Variants in DYNC2H1 observed in about 807,000 individuals in gnomAD.
DYNC2H1 encodes the protein dynein cytoplasmic 2 heavy chain 1, also known as cytoplasmic dynein 2 heavy chain 1.
In DYNC2H1, 410 loss-of-function variants were observed where a neutral mutation model predicts 570.0. The ratio of observed to expected loss-of-function variants is 0.72; its 90% CI spans 0.66 to 0.78. DYNC2H1 has a LOEUF of 0.78. Among genes scored for constraint, DYNC2H1 ranks in the 30% least tolerant of loss-of-function variants. DYNC2H1 has a pLI of 0.00. For synonymous variants in DYNC2H1, 1,688 were observed against 1,677.6 expected (o/e 1.01, Z -0.15); for missense variants, 4,865 against 5,046.4 (o/e 0.96, Z 1.09).
At position 103,211,797 on chromosome 11, in the gene DYNC2H1, G is replaced by A. The variant is rs987767594; in HGVS notation, c.8548G>A (p.Asp2850Asn). The change falls in exon 54 of 89, where the codon GAT (aspartate) becomes AAT (asparagine). Residue 2850 changes from aspartate (D) to asparagine (N), a missense_variant. Asp to Asn is a conservative substitution (Grantham distance 23, BLOSUM62 1). Transcript: ENST00000375735. ...TTTCTATTTTTTTCTAGTTGATCCT[G>A]ATTTTCTAAAATCATTTTTATTAAT... ...EEKKKNSVDP[D>N]FLKSFLLIHE... 7.5e-7 allele frequency: 1 copy of A among 1,334,946 alleles called. No homozygotes were observed. Among genetic ancestry groups the A allele is most frequent in the East Asian group, 2.8e-5 (1 of 36,256 alleles). The allele number at this position is 1,334,946 out of a possible 1,614,324, so 82.7% of individuals were successfully genotyped here.
At chr11:103,470,218 A>G (rs1036226500) in intron 88 of DYNC2H1, among the ~76,000 whole-genome samples, 1 of 152,210 alleles carries the variant, frequency 6.6e-6, no homozygotes, top group Non-Finnish European at 1.5e-5. Context: ...ATGTGACTTT[A>G]CAAGACTAGG....
chr11:103,153,528 T>C lies in DYNC2H1; in HGVS notation c.3302+20T>C, dbSNP rs762731739. Reference sequence around the variant, plus strand: ...GCTGGTGTATGTTTTTTCTTTAAAATTGATAGTGCTTATTTTGAAAAAACA... The same window carrying C: ...GCTGGTGTATGTTTTTTCTTTAAAACTGATAGTGCTTATTTTGAAAAAACA... On this transcript the variant is annotated intron_variant, in intron 22 of 88. Coordinates refer to ENST00000375735, the MANE Select transcript of DYNC2H1 (RefSeq NM_001377.3). 2.2e-5 allele frequency: 33 copies of C among 1,531,152 alleles called. No individual in the cohort carries two copies. Among genetic ancestry groups the C allele is most frequent in the Middle Eastern group, 2.0e-4 (1 of 5,074 alleles). 94.8% of individuals were successfully genotyped at this position (1,531,152 alleles called of 1,614,324 possible). A position where few individuals can be genotyped will look rare whatever the true frequency, so the allele number is the denominator to read the frequency against.
chr11:103,266,851 G>T (rs1194777947), intron 70 of DYNC2H1, among the ~76,000 whole-genome samples: 1 of 152,198 alleles, frequency 6.6e-6, no homozygotes, highest in Non-Finnish European at 1.5e-5. Context: ...AGACCAAGGG[G>T]TGCTCAGGTT....
Position 103,235,721 on chromosome 11 carries a change from T to A in DYNC2H1, c.9617T>A (p.Leu3206His). The stretch of plus-strand genomic sequence containing the variant: ...GCTACTCTTCCTAAAAGAGCTCAAC[T>A]TGCTGCTGCATTTATTACATATCTT... ...ELATLPKRAQ[L>H]AAAFITYLSA... The change falls in exon 62 of 89, where the codon CTT (leucine) becomes CAT (histidine). Residue 3206 changes from leucine (L) to histidine (H), a missense_variant. This residue lies in a region of DYNC2H1 where 2,401 missense variants were observed against 2,454.6 expected (regional missense o/e 0.98). Transcript: ENST00000375735. 1.9e-6 allele frequency: 3 copies of A among 1,611,540 alleles called. No individual in the cohort carries two copies. The highest frequency in any genetic ancestry group is 2.5e-6 in the Non-Finnish European group (3 of 1,178,432).
chr11:103,468,774 A>ATGTCTTCTT, intron 88 of DYNC2H1, 69 bp downstream of exon 88: 1 of 1,262,046 alleles, frequency 7.9e-7, no homozygotes, highest in Non-Finnish European at 1.1e-6. Context: ...CTTTTCAAGA[A>ATGTCTTCTT]GACATTCTTG....
At chr11:103,312,583 A>G (rs963938035) in intron 79 of DYNC2H1, among the ~76,000 whole-genome samples, 9 of 149,706 alleles carry the variant, frequency 6.0e-5, no homozygotes, top group Non-Finnish European at 1.3e-4. Flanking sequence ...GTAATGTAGT[A>G]TAAATAGCTA....
intron 54 of DYNC2H1, among the ~76,000 whole-genome samples, chr11:103,215,017 C>A (rs1344920665): frequency 1.3e-5 from 2 of 151,980 alleles, no homozygotes; most frequent in African/African-American, 4.8e-5. Flanking sequence ...TGCAGCTTTA[C>A]CGAATTTGCT....
rs1035518006 is a variant in DYNC2H1 at position 103,334,147 on chromosome 11, G to T, written c.12039+10157G>T. On this transcript the variant is annotated intron_variant, in intron 82 of 88. Transcript: ENST00000375735. The surrounding 1 kb of genome is among the most constrained non-coding windows in gnomAD (Gnocchi z 4.3). ...TTGAAAATATCCTTACTAATTTAAT[G>T]ATTTGAATGAAATCGAGATACAATA... Among the ~76,000 whole-genome samples, 6 of 152,140 alleles carry T rather than the reference G, an allele frequency of 3.9e-5. No homozygotes were observed. Among genetic ancestry groups the T allele is most frequent in the African/African-American group, 1.4e-4 (6 of 41,446 alleles).
intron 47 of DYNC2H1, among the ~76,000 whole-genome samples, chr11:103,197,055 A>G (rs1365257789): frequency 2.0e-5 from 3 of 152,080 alleles, no homozygotes; most frequent in African/African-American, 4.8e-5. Context: ...CTTTCCTTGT[A>G]TGGTAACAGG....
chr11:103,176,165 T>C (rs542916582), intron 36 of DYNC2H1, 70 bp from the exon 37 acceptor site: 1,108 of 1,204,678 alleles, frequency 9.2e-4, no homozygotes, highest in Non-Finnish European at 1.1e-3. Context: ...ATCAAGGCTA[T>C]AGAATATTTA....
Position 103,479,265 on chromosome 11 carries a change from A to G in DYNC2H1, c.*12A>G, listed in dbSNP as rs1945669244. 1 of 1,602,940 alleles carries G rather than the reference A, an allele frequency of 6.2e-7. No individual in the cohort carries two copies. Among genetic ancestry groups the G allele is most frequent in the Non-Finnish European group, 8.5e-7 (1 of 1,173,396 alleles). On this transcript the variant is annotated 3_prime_UTR_variant, in exon 89 of 89. Coordinates refer to ENST00000375735, the MANE Select transcript of DYNC2H1 (RefSeq NM_001377.3). ...TAAAAAATCAGTAGAATCTAATGAC[A>G]ACAAAAGCCATCTTCACAAAAGGGA...
chr11:103,115,031 G>T, intron 3 of DYNC2H1, 146 bp from the exon 4 acceptor site: 1 of 481,424 alleles, frequency 2.1e-6, no homozygotes, highest in Non-Finnish European at 3.7e-6. Context: ...TATGAAATAG[G>T]AAACAATAAG....
At chr11:103,420,854 C>T (rs1479928038) in intron 84 of DYNC2H1, among the ~76,000 whole-genome samples, 1 of 152,106 alleles carries the variant, frequency 6.6e-6, no homozygotes, top group African/African-American at 2.4e-5. Flanking sequence ...ATCATGGTAA[C>T]AGGATGAAAG....
intron 83 of DYNC2H1, among the ~76,000 whole-genome samples, chr11:103,379,716 C>G (rs956410745): frequency 6.6e-6 from 1 of 152,154 alleles, no homozygotes; most frequent in African/African-American, 2.4e-5. Context: ...GTTGCATGAA[C>G]AAACCATGAC....
intron 87 of DYNC2H1, among the ~76,000 whole-genome samples, chr11:103,462,768 C>T (rs1945061086): frequency 6.6e-6 from 1 of 152,122 alleles, no homozygotes; most frequent in African/African-American, 2.4e-5. Context: ...TCTAATGTTT[C>T]AGTAAATTGC....
intron 84 of DYNC2H1, among the ~76,000 whole-genome samples, chr11:103,422,252 TA>T (rs1230780410): frequency 1.3e-5 from 2 of 152,318 alleles, no homozygotes; most frequent in African/African-American, 4.8e-5. Flanking sequence ...AGCTGAATTC[TA>T]CCAGAGGTAC....
At chr11:103,386,567 G>T (rs1216024381) in intron 83 of DYNC2H1, among the ~76,000 whole-genome samples, 1 of 151,950 alleles carries the variant, frequency 6.6e-6, no homozygotes, top group East Asian at 1.9e-4. Context: ...TGTTACATAT[G>T]TATACATGTG....
At chr11:103,468,554 T>C in intron 87 of DYNC2H1, 35 bp from the exon 88 acceptor site, 3 of 1,502,760 alleles carry the variant, frequency 2.0e-6, no homozygotes, top group Non-Finnish European at 2.8e-6. Flanking sequence ...GCGACTTTAA[T>C]GCATATTTTC....
At chr11:103,148,717 A>T in intron 20 of DYNC2H1, 100 bp downstream of exon 20, 1 of 1,341,424 alleles carries the variant, frequency 7.5e-7, no homozygotes, top group Non-Finnish European at 1.0e-6. Flanking sequence ...ATATAATCTC[A>T]ACATTATAAG....
Sources: gnomAD v4.1 joint callset for allele counts (sites outside exome capture counted in the v4.1 genomes callset) on GRCh38, gnomAD v4.1.1 for gene constraint, gnomAD v4.1.1 regional missense constraint, Gnocchi (gnomAD v3.1) non-coding constraint, MANE v1.5 for transcripts, NCBI Gene and HGNC (gene_info 2026-07-23, HGNC 2026-07-21) for gene names.